The following EXOC4 variants were observed in gnomAD, a reference collection of about 807,000 sequenced individuals.
The protein encoded by EXOC4 is SEC8-like 1.
A neutral mutation model predicts 107.2 loss-of-function variants in EXOC4; 71 were observed. The ratio of observed to expected loss-of-function variants is 0.66; its 90% confidence interval spans 0.55 to 0.81. The LOEUF is 0.81. EXOC4 is among the 30% of genes least tolerant of loss of function. The probability of loss-of-function intolerance (pLI) is 0.00; values close to 1 mark genes in which losing one functional copy is unlikely to be tolerated. For missense variants in EXOC4, 1,108 were observed against 1,189.6 expected (o/e 0.93, Z 1.01); for synonymous variants, 456 against 441.2 (o/e 1.03, Z -0.42).
intron 3 of EXOC4, among the ~76,000 whole-genome samples, chr7:133,298,496 A>AT (rs768743711): frequency 6.6e-6 from 1 of 152,082 alleles, no homozygotes; most frequent in Non-Finnish European, 1.5e-5. Context: ...CTTCTATTGG[A>AT]TTTTGTAGTA....
At chr7:133,693,918 A>T (rs1794475105) in intron 10 of EXOC4, among the ~76,000 whole-genome samples, 1 of 152,144 alleles carries the variant, frequency 6.6e-6, no homozygotes, top group Admixed American at 6.5e-5. Flanking sequence ...TGAAGAGATA[A>T]TGCTTACCAG....
At chr7:134,035,141 G>A (rs1301356872) in intron 17 of EXOC4, among the ~76,000 whole-genome samples, 1 of 151,332 alleles carries the variant, frequency 6.6e-6, no homozygotes, top group East Asian at 1.9e-4. Context: ...CACCTCCTGG[G>A]TTCAAGCCAT....
At chr7:133,746,647 G>A (rs1019665722) in intron 10 of EXOC4, among the ~76,000 whole-genome samples, 1 of 152,152 alleles carries the variant, frequency 6.6e-6, no homozygotes. Context: ...AAGGTTTTCT[G>A]TTAGCTCTGT....
chr7:134,049,882 G>T (rs1386114033), intron 17 of EXOC4, among the ~76,000 whole-genome samples: 5 of 152,170 alleles, frequency 3.3e-5, no homozygotes, highest in African/African-American at 1.2e-4. Context: ...AGAGTCATAA[G>T]ACACAGTCTT....
At chr7:133,954,676 C>T (rs1002112819) in intron 14 of EXOC4, among the ~76,000 whole-genome samples, 2 of 152,226 alleles carry the variant, frequency 1.3e-5, no homozygotes, top group African/African-American at 2.4e-5. Context: ...GAGTTTTGCT[C>T]AGGACCACTG....
At chr7:133,706,321 T>G (rs1794767993) in intron 10 of EXOC4, among the ~76,000 whole-genome samples, 1 of 152,150 alleles carries the variant, frequency 6.6e-6, no homozygotes, top group Admixed American at 6.5e-5. Flanking sequence ...TTATAAGAAT[T>G]TACAAAATAG....
At chr7:133,396,312 A>T (rs1796970424) in intron 7 of EXOC4, 1 of 152,160 alleles carries the variant, frequency 6.6e-6, no homozygotes, top group Non-Finnish European at 1.5e-5. Context: ...ACCTGGGCCA[A>T]ACCTTAAATA....
intron 15 of EXOC4, among the ~76,000 whole-genome samples, chr7:133,998,639 C>T (rs1213781709): frequency 2.0e-5 from 3 of 152,090 alleles, no homozygotes; most frequent in African/African-American, 7.2e-5. Context: ...CCTGTGGAGT[C>T]ATGAAGCCTG....
the EXOC4 span, among the ~76,000 whole-genome samples, chr7:134,091,905 A>G: frequency 6.6e-6 from 1 of 152,190 alleles, no homozygotes; most frequent in Non-Finnish European, 1.5e-5. Context: ...TACTTTATAG[A>G]GGAATATTTT....
At chr7:133,397,578 A>G (rs1175040365) in intron 7 of EXOC4, among the ~76,000 whole-genome samples, 1 of 152,172 alleles carries the variant, frequency 6.6e-6, no homozygotes, top group Non-Finnish European at 1.5e-5. Flanking sequence ...AATGTCATAA[A>G]GAATTAATAT....
chr7:133,556,693 A>G (rs1584996030), intron 9 of EXOC4, among the ~76,000 whole-genome samples: 9 of 152,186 alleles, frequency 5.9e-5, no homozygotes, highest in Non-Finnish European at 1.5e-5. Context: ...GGGAAGAATT[A>G]TGGGGCTGGA....
chr7:133,863,972 T>G (rs553594853), intron 11 of EXOC4, among the ~76,000 whole-genome samples: 3 of 152,296 alleles, frequency 2.0e-5, no homozygotes, highest in African/African-American at 7.2e-5. Flanking sequence ...AATAGGTATA[T>G]CTTCTGATGT....
At chr7:133,855,128 A>T (rs1341199250) in intron 11 of EXOC4, among the ~76,000 whole-genome samples, 754 of 64,614 alleles carry the variant, frequency 0.012, 13 homozygotes, top group African/African-American at 0.039. Context: ...TATATATATA[A>T]ATATATATAT....
At chr7:133,609,100 C>T (rs1191240697) in intron 9 of EXOC4, among the ~76,000 whole-genome samples, 1 of 152,148 alleles carries the variant, frequency 6.6e-6, no homozygotes, top group African/African-American at 2.4e-5. Flanking sequence ...ATCTTTAAAA[C>T]CTAAGAGCAC....
At chr7:133,539,783 G>A (rs2150930128) in intron 9 of EXOC4, among the ~76,000 whole-genome samples, 1 of 152,210 alleles carries the variant, frequency 6.6e-6, no homozygotes, top group South Asian at 2.1e-4. Flanking sequence ...GATGGGGCCT[G>A]AATTTTTTAG....
intron 9 of EXOC4, among the ~76,000 whole-genome samples, chr7:133,626,988 T>C (rs897937261): frequency 1.3e-5 from 2 of 152,206 alleles, no homozygotes; most frequent in Non-Finnish European, 2.9e-5. Flanking sequence ...CTCATCTAAT[T>C]GCTATAACAT....
At chr7:133,934,869 A>C (rs1406282670) in intron 13 of EXOC4, among the ~76,000 whole-genome samples, 1 of 151,596 alleles carries the variant, frequency 6.6e-6, no homozygotes, top group Non-Finnish European at 1.5e-5. Flanking sequence ...CACGGAGGAG[A>C]CATTGTTTTG....
chr7:133,855,960 G>A (rs1157740936), intron 11 of EXOC4, among the ~76,000 whole-genome samples: 3 of 152,174 alleles, frequency 2.0e-5, no homozygotes, highest in Non-Finnish European at 2.9e-5. Flanking sequence ...TCACCATCCT[G>A]AGCCTTGATT....
intron 1 of EXOC4, among the ~76,000 whole-genome samples, chr7:133,262,626 A>G (rs1398690639): frequency 1.3e-5 from 2 of 152,148 alleles, no homozygotes; most frequent in Non-Finnish European, 2.9e-5. Context: ...TTATGGGAGA[A>G]TTATACTAAA....
Sources: gnomAD v4.1 joint callset for allele counts (sites outside exome capture counted in the v4.1 genomes callset) on GRCh38, gnomAD v4.1.1 for gene constraint, MANE v1.5 for transcripts, NCBI Gene and HGNC (gene_info 2026-07-23, HGNC 2026-07-21) for gene names.